Variants in TMED8 observed in about 807,000 individuals in gnomAD.
TMED8 encodes protein TMED8.
Under a neutral mutation model 32.7 loss-of-function variants are expected in TMED8, and 15 were observed. That is an observed-to-expected ratio of 0.46 (90% CI 0.31 to 0.71). The LOEUF is 0.71. Ranked by LOEUF, TMED8 falls within the 30% of genes least tolerant of loss-of-function variation. The probability of loss-of-function intolerance (pLI) is 0.06; values close to 1 mark genes in which losing one functional copy is unlikely to be tolerated. For missense variants in TMED8, 390 were observed against 423.9 expected, an observed-to-expected ratio of 0.92 and a Z score of 0.70; for synonymous variants, 147 against 161.4, an observed-to-expected ratio of 0.91 and a Z score of 0.68.
chr14:77,344,081 T>C (rs1892974050), intron 3 of TMED8, among the ~76,000 whole-genome samples: 1 of 152,236 alleles, frequency 6.6e-6, no homozygotes, highest in South Asian at 2.1e-4. Context: ...CCAAACCCTT[T>C]ATAAGGTCCT....
At chr14:77,371,253 AT>A (rs1207807251) in intron 1 of TMED8, among the ~76,000 whole-genome samples, 1 of 152,202 alleles carries the variant, frequency 6.6e-6, no homozygotes, top group Non-Finnish European at 1.5e-5. Context: ...CCTCCACAGA[AT>A]CTGTACCAAT....
At chr14:77,370,778 CT>C (rs1893660162) in intron 1 of TMED8, among the ~76,000 whole-genome samples, 1 of 149,208 alleles carries the variant, frequency 6.7e-6, no homozygotes, top group African/African-American at 2.4e-5. Context: ...TACTTTTTCA[CT>C]TTTTTACACA....
At chr14:77,355,691 G>C (rs1191457830) in intron 1 of TMED8, among the ~76,000 whole-genome samples, 6 of 152,284 alleles carry the variant, frequency 3.9e-5, no homozygotes, top group African/African-American at 1.4e-4. Context: ...TAGACTGTTA[G>C]AGATAATGAT....
chr14:77,351,212 C>T (rs977822164), intron 2 of TMED8, among the ~76,000 whole-genome samples: 4 of 151,514 alleles, frequency 2.6e-5, no homozygotes, highest in Admixed American at 6.6e-5. Context: ...CCTGGCCCGG[C>T]GCGGTGGCTC....
intron 1 of TMED8, among the ~76,000 whole-genome samples, chr14:77,371,177 A>G (rs557014235): frequency 1.3e-5 from 2 of 152,222 alleles, no homozygotes; most frequent in Non-Finnish European, 2.9e-5. Flanking sequence ...AAATAAATCT[A>G]TAATTCCTGG....
chr14:77,351,733 T>C lies in TMED8; in HGVS notation c.137A>G (p.Asn46Ser). The C allele has an allele frequency of 1.2e-6, 2 of 1,613,306 alleles. No individual in the cohort carries two copies. The highest frequency in any genetic ancestry group is 1.7e-6 in the Non-Finnish European group (2 of 1,179,588). ...AAASENEDLE[N>S]KDTSLLASAT... ...AGAAGCCAATAAAGAGGTATCCTTG[T>C]TTTCTAGATCTTCATTCTCTAGAAA... The change falls in exon 2 of 6, where the codon AAC (asparagine) becomes AGC (serine). Residue 46 changes from asparagine (N) to serine (S), a missense_variant. Physicochemically the swap from Asn to Ser is conservative, Grantham distance 46. Coordinates refer to ENST00000216468, the MANE Select transcript of TMED8 (RefSeq NM_213601.3).
intron 3 of TMED8, 34 bp from the exon 4 acceptor site, chr14:77,343,857 G>T: frequency 6.3e-7 from 1 of 1,593,198 alleles, no homozygotes; most frequent in South Asian, 1.1e-5. Context: ...AGGAGTATTC[G>T]AGTGGCAGAT....
rs139901651 is a variant in TMED8, at chr14:77,347,793, C to T, written c.198-1315G>A. On this transcript the variant is annotated intron_variant, in intron 2 of 5. Coordinates refer to ENST00000216468, the MANE Select transcript of TMED8 (RefSeq NM_213601.3). ...CACAAAAACTAGAAAATTAGTGCCA[C>T]GGTTGTAGCAAAATAACCCAGGCCT... Among the ~76,000 whole-genome samples, 496 of 152,308 alleles carry T rather than the reference C, an allele frequency of 3.3e-3. 3 individuals carry two copies. The highest frequency in any genetic ancestry group is 0.01 in the Middle Eastern group (3 of 294).
chr14:77,364,271 G>A (rs373726761), intron 1 of TMED8, among the ~76,000 whole-genome samples: 1 of 152,028 alleles, frequency 6.6e-6, no homozygotes, highest in South Asian at 2.1e-4. Context: ...TGTGATCACA[G>A]CTCACTGCAG....
At chr14:77,371,816 T>G (rs1276969739) in intron 1 of TMED8, among the ~76,000 whole-genome samples, 1 of 152,180 alleles carries the variant, frequency 6.6e-6, no homozygotes, top group Non-Finnish European at 1.5e-5. Flanking sequence ...ATAAGCCAAT[T>G]CTGAAAGTAT....
rs758708775 is a variant in TMED8 at position 77,341,851 on chromosome 14, T to C, written c.898A>G (p.Ile300Val). The C allele has an allele frequency of 6.2e-7, 1 of 1,613,294 alleles. No homozygotes were observed. The highest frequency in any genetic ancestry group is 8.5e-7 in the Non-Finnish European group (1 of 1,179,956). The change falls in exon 6 of 6, where the codon ATC (isoleucine) becomes GTC (valine). Residue 300 changes from isoleucine to valine, a missense_variant. Coordinates refer to ENST00000216468, the MANE Select transcript of TMED8 (RefSeq NM_213601.3). ...AGSHDYPGEGIYLLKFDNSYS... is the reference protein window; with the variant it reads ...AGSHDYPGEGVYLLKFDNSYS... The stretch of plus-strand genomic sequence containing the variant: ...GAGTTGTCGAACTTGAGCAGGTAGA[T>C]GCCCTCACCAGGGTAGTCATGGCTG...
At chr14:77,356,112 C>G (rs1005771252) in intron 1 of TMED8, among the ~76,000 whole-genome samples, 2 of 152,218 alleles carry the variant, frequency 1.3e-5, no homozygotes, top group Non-Finnish European at 2.9e-5. Context: ...GCTCCTCCAA[C>G]TGGAGTCTGT....
Position 77,340,658 on chromosome 14 carries a change from G to A in TMED8, c.*1113C>T, listed in dbSNP as rs970008042. 1 of 152,148 alleles carries A rather than the reference G, an allele frequency of 6.6e-6. No individual in the cohort carries two copies. The highest frequency in any genetic ancestry group is 6.6e-5 in the Admixed American group (1 of 15,260). The allele number at this position is 152,148 out of a possible 1,614,324, so 9.4% of individuals were successfully genotyped here. A position where few individuals can be genotyped will look rare whatever the true frequency, so the allele number is the denominator to read the frequency against. ...ACCAGGGAAATGCAAGCTTTGGTCA[G>A]GTAAAGAACAAATACAATCAGCAGC... On this transcript the variant is annotated 3_prime_UTR_variant, in exon 6 of 6. Coordinates refer to ENST00000216468, the MANE Select transcript of TMED8 (RefSeq NM_213601.3).
intron 3 of TMED8, among the ~76,000 whole-genome samples, chr14:77,344,535 TA>T (rs1566684572): frequency 1.3e-5 from 2 of 152,234 alleles, no homozygotes; most frequent in African/African-American, 2.4e-5. Context: ...AAGCCCTCAC[TA>T]ACCCATGCGG....
chr14:77,347,108 T>C (rs992758185), intron 2 of TMED8, among the ~76,000 whole-genome samples: 2 of 151,740 alleles, frequency 1.3e-5, no homozygotes, highest in African/African-American at 2.4e-5. Flanking sequence ...TTAACCACCA[T>C]CCTGCCCTCG....
rs376735620 is a variant in TMED8 at position 77,339,093 on chromosome 14, GTC to G, written c.*2676_*2677del. 9.8e-5 allele frequency: 15 copies of G among 152,322 alleles called. No individual in the cohort carries two copies. The East Asian group carries it at 2.7e-3, about 27-fold the overall frequency. 9.4% of individuals were successfully genotyped at this position (152,322 alleles called of 1,614,324 possible). ...ACTGGGAGGGGCTGAGGAAATGACT[GTC>G]TCTTAGAATTTGCTGGGCTGTGGGT... On this transcript the variant is annotated 3_prime_UTR_variant, in exon 6 of 6. Transcript: ENST00000216468.
At chr14:77,360,295 A>G (rs973648981) in intron 1 of TMED8, among the ~76,000 whole-genome samples, 1 of 151,904 alleles carries the variant, frequency 6.6e-6, no homozygotes, top group African/African-American at 2.4e-5. Context: ...TGTTCATCCT[A>G]TGTATCTCTA....
intron 3 of TMED8, 117 bp downstream of exon 3, chr14:77,346,232 G>T: frequency 9.4e-7 from 1 of 1,063,518 alleles, no homozygotes; most frequent in Non-Finnish European, 1.3e-6. Context: ...TAAATTAGAG[G>T]GCAAAGAGAG....
chr14:77,370,158 C>T lies in TMED8; in HGVS notation c.118+6778G>A, dbSNP rs559876237. ...CTGCACTCCAGTCAAGGCGACAGAG[C>T]GAGACTCCGTTTCAAAAAAAAAAAA... On this transcript the variant is annotated intron_variant, in intron 1 of 5. Transcript: ENST00000216468. Among the ~76,000 whole-genome samples the T allele has an allele frequency of 9.8e-5, 12 of 122,648 alleles. No homozygotes were observed. The South Asian group carries it at 1.4e-3, about 14-fold the overall frequency. The allele number at this position is 122,648 out of a possible 152,430, so 80.5% of individuals were successfully genotyped here.
Sources: allele counts gnomAD v4.1 joint callset (sites outside exome capture counted in the v4.1 genomes callset), GRCh38; gene constraint gnomAD v4.1.1; transcripts MANE v1.5; gene names NCBI Gene and HGNC (gene_info 2026-07-23, HGNC 2026-07-21).